CALCRL: variants seen among roughly 807,000 people sequenced by gnomAD.
CALCRL encodes the protein calcitonin receptor like receptor, also known as calcitonin gene-related peptide type 1 receptor.
A neutral mutation model predicts 60.4 loss-of-function variants in CALCRL; 27 were observed. The ratio of observed to expected loss-of-function variants is 0.45; its 90% CI spans 0.33 to 0.62. The LOEUF is 0.62. Among genes scored for constraint, CALCRL ranks in the 20% least tolerant of loss-of-function variants. The pLI is 0.03. For missense variants in CALCRL, 424 were observed against 540.7 expected, an observed-to-expected ratio of 0.78 and a Z score of 2.14; for synonymous variants, 190 against 182.6, an observed-to-expected ratio of 1.04 and a Z score of -0.33.
Position 187,352,249 on chromosome 2 carries a change from G to A in CALCRL, c.993C>T (p.Tyr331=). ...TAAGAGTAGCTCTCACAGCTTTCAT[G>A]TACAGATTGGATTCCGCTTGGTGTG... is the stretch of plus-strand genomic sequence containing the variant. ...KVTHQAESNL[Y]MKAVRATLIL... The change falls in exon 13 of 15, where the codon TAC becomes TAT. Residue 331 remains tyrosine, a synonymous_variant. Transcript: ENST00000392370. 1.9e-6 allele frequency: 3 copies of A among 1,612,184 alleles called. No individual in the cohort carries two copies. The South Asian group carries it at 3.3e-5, about 18-fold the overall frequency.
chr2:187,428,695 C>T (rs1400063134), intron 1 of CALCRL: 3 of 152,180 alleles, frequency 2.0e-5, no homozygotes, highest in South Asian at 2.1e-4. Flanking sequence ...AGATTGAGAC[C>T]ATCCTGGCTA....
rs529995092 is a variant in CALCRL at position 187,419,672 on chromosome 2, T to C, written c.-293+28367A>G. On this transcript the variant is annotated intron_variant, in intron 1 of 14. Coordinates refer to ENST00000392370, the MANE Select transcript of CALCRL (RefSeq NM_005795.6). The stretch of plus-strand genomic sequence containing the variant: ...ACTTCCTTATTATTGAGTAGGCCAT[T>C]TCATTTTTTTCAAAGATAAAAACAA... 3.3e-5 allele frequency among the ~76,000 whole-genome samples: 5 copies of C among 152,292 alleles called. No homozygotes were observed. The East Asian group carries it at 9.6e-4, about 29-fold the overall frequency.
intron 14 of CALCRL, among the ~76,000 whole-genome samples, chr2:187,350,933 A>G (rs1686502107): frequency 1.3e-5 from 2 of 151,762 alleles, no homozygotes; most frequent in Non-Finnish European, 2.9e-5. Flanking sequence ...GATTAAAAAC[A>G]TATAAAGAGC....
intron 1 of CALCRL, among the ~76,000 whole-genome samples, chr2:187,410,898 G>A (rs940736283): frequency 5.9e-5 from 9 of 152,014 alleles, no homozygotes; most frequent in Non-Finnish European, 7.4e-5. Context: ...GGCAGGGGGC[G>A]GGGAGAGGTA....
At chr2:187,421,923 G>C (rs1337025499) in intron 1 of CALCRL, among the ~76,000 whole-genome samples, 1 of 152,046 alleles carries the variant, frequency 6.6e-6, no homozygotes, top group African/African-American at 2.4e-5. Flanking sequence ...AAAGCTTCTT[G>C]GCACATTATT....
chr2:187,401,998 A>G (rs534672001), intron 1 of CALCRL, among the ~76,000 whole-genome samples: 7 of 151,644 alleles, frequency 4.6e-5, no homozygotes, highest in Admixed American at 2.0e-4. Context: ...AAGGGAAAGA[A>G]GGAAGGAAGG....
intron 1 of CALCRL, among the ~76,000 whole-genome samples, chr2:187,388,547 A>G (rs1305370072): frequency 1.3e-5 from 2 of 152,120 alleles, no homozygotes; most frequent in African/African-American, 4.8e-5. Flanking sequence ...TTTTGACTAT[A>G]TTGTGGAGCC....
At chr2:187,434,943 G>A (rs1469591551) in intron 1 of CALCRL, among the ~76,000 whole-genome samples, 1 of 152,130 alleles carries the variant, frequency 6.6e-6, no homozygotes, top group Non-Finnish European at 1.5e-5. Flanking sequence ...ATGTGGTAAA[G>A]TCATAAAGTA....
intron 8 of CALCRL, among the ~76,000 whole-genome samples, chr2:187,373,358 G>C (rs1025831415): frequency 6.6e-6 from 1 of 152,108 alleles, no homozygotes; most frequent in African/African-American, 2.4e-5. Context: ...AATTGAGTAA[G>C]CTACACGGTA....
chr2:187,375,708 T>A (rs1242047852), intron 8 of CALCRL, among the ~76,000 whole-genome samples: 6 of 152,208 alleles, frequency 3.9e-5, no homozygotes, highest in Non-Finnish European at 5.9e-5. Context: ...TCTTTTGGAA[T>A]GAGGAATGTG....
At chr2:187,366,892 C>A (rs998340590) in intron 8 of CALCRL, among the ~76,000 whole-genome samples, 1 of 144,204 alleles carries the variant, frequency 6.9e-6, no homozygotes, top group East Asian at 2.1e-4. Context: ...TATTATCTTC[C>A]AAAAATGTCA....
chr2:187,355,294 A>G (rs1194377570), intron 12 of CALCRL, among the ~76,000 whole-genome samples: 5 of 152,072 alleles, frequency 3.3e-5, no homozygotes, highest in South Asian at 2.1e-4. Flanking sequence ...TATGCACACA[A>G]TGCAAAGCCA....
chr2:187,422,592 T>C (rs543844320), intron 1 of CALCRL, among the ~76,000 whole-genome samples: 2 of 152,212 alleles, frequency 1.3e-5, no homozygotes, highest in African/African-American at 2.4e-5. Flanking sequence ...GAGGCTCTTA[T>C]AGTAAATATC....
chr2:187,427,033 A>T (rs990458315), intron 1 of CALCRL, among the ~76,000 whole-genome samples: 1 of 152,196 alleles, frequency 6.6e-6, no homozygotes, highest in African/African-American at 2.4e-5. Context: ...TTGTGGCCTA[A>T]GAGATTGTTA....
chr2:187,393,557 G>A (rs1187662121), intron 1 of CALCRL, among the ~76,000 whole-genome samples: 1 of 152,042 alleles, frequency 6.6e-6, no homozygotes, highest in African/African-American at 2.4e-5. Flanking sequence ...TCTGCCATGA[G>A]ATTGTGAGCA....
At chr2:187,443,103 T>C (rs1014078339) in intron 1 of CALCRL, among the ~76,000 whole-genome samples, 2 of 151,838 alleles carry the variant, frequency 1.3e-5, no homozygotes, top group Admixed American at 6.6e-5. Context: ...AGATAGTAAT[T>C]ATCAATATCA....
intron 1 of CALCRL, among the ~76,000 whole-genome samples, chr2:187,408,717 C>A (rs747742978): frequency 6.6e-6 from 1 of 151,518 alleles, no homozygotes; most frequent in Non-Finnish European, 1.5e-5. Flanking sequence ...CTCAGAAAAC[C>A]TACCAGGAAA....
intron 1 of CALCRL, among the ~76,000 whole-genome samples, chr2:187,401,587 T>C (rs1187390597): frequency 1.3e-5 from 2 of 151,614 alleles, no homozygotes; most frequent in Admixed American, 1.3e-4. Context: ...AAAAGATCTA[T>C]ATACATACTT....
intron 8 of CALCRL, among the ~76,000 whole-genome samples, chr2:187,369,733 C>T (rs1322159097): frequency 2.0e-5 from 3 of 152,090 alleles, no homozygotes; most frequent in African/African-American, 7.2e-5. Flanking sequence ...ACAATGTAAT[C>T]CCAGATAGTG....
Sources: gnomAD v4.1 joint callset for allele counts (sites outside exome capture counted in the v4.1 genomes callset) on GRCh38, gnomAD v4.1.1 for gene constraint, MANE v1.5 for transcripts, NCBI Gene and HGNC (gene_info 2026-07-23, HGNC 2026-07-21) for gene names.